The following RAPGEF2 variants were observed in gnomAD, a reference collection of about 807,000 sequenced individuals.
RAPGEF2 encodes Rap guanine nucleotide exchange factor 2, also known as PDZ domain containing guanine nucleotide exchange factor (GEF) 1.
Under a neutral mutation model 186.7 loss-of-function variants are expected in RAPGEF2, and 54 were observed. The ratio of observed to expected loss-of-function variants is 0.29; its 90% confidence interval spans 0.23 to 0.36. The LOEUF (loss-of-function observed/expected upper bound fraction) is 0.36. Ranked by LOEUF, RAPGEF2 falls within the 10% of genes least tolerant of loss-of-function variation. The pLI is 1.00. For missense variants in RAPGEF2, 1,532 were observed against 2,045.0 expected, an observed-to-expected ratio of 0.75 and a Z score of 4.84; for synonymous variants, 712 against 705.9, an observed-to-expected ratio of 1.01 and a Z score of -0.14.
chr4:159,214,540 G>GT (rs1489289437), intron 4 of RAPGEF2, among the ~76,000 whole-genome samples: 3 of 152,052 alleles, frequency 2.0e-5, no homozygotes, highest in Non-Finnish European at 4.4e-5. Context: ...TTAAAAAATT[G>GT]TAATAGAAAT....
intron 1 of RAPGEF2, among the ~76,000 whole-genome samples, chr4:159,170,691 C>A (rs1745821131): frequency 6.6e-6 from 1 of 152,142 alleles, no homozygotes; most frequent in African/African-American, 2.4e-5. Flanking sequence ...CTTGGCTATA[C>A]AGAAACTTTT....
chr4:159,322,517 T>C (rs780981658), intron 10 of RAPGEF2, 34 bp downstream of exon 10: 2 of 1,592,156 alleles, frequency 1.3e-6, no homozygotes, highest in Admixed American at 1.7e-5. Context: ...AAAAAGTTTC[T>C]TCTTAAAGAT....
chr4:159,328,004 T>A (rs1363835499), intron 11 of RAPGEF2: 1 of 152,150 alleles, frequency 6.6e-6, no homozygotes, highest in Admixed American at 6.5e-5. Flanking sequence ...ACATTTCTCT[T>A]CATAAAGCAT....
Position 159,358,258 on chromosome 4 carries a change from C to A in RAPGEF2, c.*119C>A. 2 of 993,648 alleles carry A rather than the reference C, an allele frequency of 2.0e-6. No individual in the cohort carries two copies. Among genetic ancestry groups the A allele is most frequent in the Non-Finnish European group, 3.0e-6 (2 of 665,836 alleles). 61.6% of individuals were successfully genotyped at this position (993,648 alleles called of 1,614,324 possible). On this transcript the variant is annotated 3_prime_UTR_variant, in exon 30 of 30. Coordinates refer to ENST00000691494, the MANE Select transcript of RAPGEF2 (RefSeq NM_001394067.2). The stretch of plus-strand genomic sequence containing the variant: ...GACGGTGGACCAGTTTGCCTCCTTC[C>A]CTGCCTTAAAAGCAGCATGGGGCTT...
At chr4:159,290,101 T>C (rs976124649) in intron 7 of RAPGEF2, among the ~76,000 whole-genome samples, 2 of 152,146 alleles carry the variant, frequency 1.3e-5, no homozygotes, top group Non-Finnish European at 2.9e-5. Flanking sequence ...GGCTGCGACA[T>C]GAAGAAGAGG....
Position 159,103,214 on chromosome 4 carries a change from C to T in RAPGEF2, c.-949C>T, listed in dbSNP as rs1239400044. ...TCGGCTTTCGGCCCTCGGACGCCCG[C>T]GCCGGGAGTCCGAACCCGGGCTGTC... On this transcript the variant is annotated 5_prime_UTR_variant, in exon 1 of 30. Coordinates refer to ENST00000691494, the MANE Select transcript of RAPGEF2 (RefSeq NM_001394067.2). 6.6e-6 allele frequency: 1 copy of T among 151,932 alleles called. No individual in the cohort carries two copies. Among genetic ancestry groups the T allele is most frequent in the Non-Finnish European group, 1.5e-5 (1 of 68,008 alleles). The allele number at this position is 151,932 out of a possible 1,614,324, so 9.4% of individuals were successfully genotyped here.
chr4:159,119,395 AC>A (rs1431013475), intron 1 of RAPGEF2, among the ~76,000 whole-genome samples: 10 of 152,228 alleles, frequency 6.6e-5, no homozygotes, highest in Non-Finnish European at 1.5e-4. Context: ...AGGCTGTGTC[AC>A]ATGGCTACTC....
chr4:159,221,045 A>T (rs897811438), intron 4 of RAPGEF2, among the ~76,000 whole-genome samples: 2 of 152,176 alleles, frequency 1.3e-5, no homozygotes, highest in African/African-American at 2.4e-5. Context: ...AGAAATTGAT[A>T]TTGTTCGACC....
chr4:159,244,032 A>G (rs1754317548), intron 7 of RAPGEF2, among the ~76,000 whole-genome samples: 1 of 151,964 alleles, frequency 6.6e-6, no homozygotes, highest in Non-Finnish European at 1.5e-5. Flanking sequence ...ACTTATTTTT[A>G]AAAATGAATG....
rs567232200 is a variant in RAPGEF2, at chr4:159,304,715, T to C, written c.675+242T>C. ...TCCTTTTTTTATTTGTATAAATTTG[T>C]GGGGTAAAAGTGTAATTTTGTTGCA... On this transcript the variant is annotated intron_variant, in intron 8 of 29. Coordinates refer to ENST00000691494, the MANE Select transcript of RAPGEF2 (RefSeq NM_001394067.2). 1.1e-4 allele frequency among the ~76,000 whole-genome samples: 16 copies of C among 152,272 alleles called. No homozygotes were observed. In the South Asian group the frequency reaches 3.3e-3, roughly 32 times the overall value.
chr4:159,210,412 A>G (rs1750405404), intron 3 of RAPGEF2, 88 bp from the exon 4 acceptor site: 1 of 760,972 alleles, frequency 1.3e-6, no homozygotes, highest in Non-Finnish European at 2.1e-6. Flanking sequence ...TAAAAGTAAT[A>G]TGGGTGCTGC....
intron 1 of RAPGEF2, among the ~76,000 whole-genome samples, chr4:159,167,277 G>T (rs1401330503): frequency 6.6e-6 from 1 of 152,220 alleles, no homozygotes; most frequent in Non-Finnish European, 1.5e-5. Flanking sequence ...GGGAAATTTA[G>T]TGTGAAGTTT....
At chr4:159,163,111 A>G (rs142281698) in intron 1 of RAPGEF2, among the ~76,000 whole-genome samples, 194 of 152,300 alleles carry the variant, frequency 1.3e-3, no homozygotes, top group African/African-American at 4.5e-3. Context: ...ACTATTCCAG[A>G]AAAGGTAGCT....
At chr4:159,223,950 G>A (rs1751778713) in intron 4 of RAPGEF2, among the ~76,000 whole-genome samples, 1 of 151,730 alleles carries the variant, frequency 6.6e-6, no homozygotes, top group Non-Finnish European at 1.5e-5. Flanking sequence ...CCAGCCTGGA[G>A]TGCAGTGGTG....
intron 7 of RAPGEF2, among the ~76,000 whole-genome samples, chr4:159,259,008 A>G (rs1157954910): frequency 6.6e-6 from 1 of 152,200 alleles, no homozygotes; most frequent in African/African-American, 2.4e-5. Flanking sequence ...CCAGTCTGCT[A>G]GATGTTTACT....
chr4:159,287,843 TGA>T (rs1174193244), intron 7 of RAPGEF2, among the ~76,000 whole-genome samples: 1 of 152,180 alleles, frequency 6.6e-6, no homozygotes, highest in Non-Finnish European at 1.5e-5. Context: ...TCACCTCTCT[TGA>T]TATCGGTTCC....
intron 1 of RAPGEF2, among the ~76,000 whole-genome samples, chr4:159,120,957 C>T (rs1471323713): frequency 2.0e-5 from 3 of 152,078 alleles, no homozygotes; most frequent in South Asian, 2.1e-4. Context: ...TGGGTTCGAG[C>T]GATTCTCCAT....
At chr4:159,357,368 A>G (rs1366533331) in intron 29 of RAPGEF2, among the ~76,000 whole-genome samples, 1 of 152,130 alleles carries the variant, frequency 6.6e-6, no homozygotes, top group East Asian at 1.9e-4. Context: ...CTCTAAAAGA[A>G]AGAGAGAGAG....
At chr4:159,251,743 G>A (rs1367473702) in intron 7 of RAPGEF2, among the ~76,000 whole-genome samples, 4 of 151,982 alleles carry the variant, frequency 2.6e-5, no homozygotes, top group African/African-American at 7.3e-5. Context: ...CTGTCAAAAC[G>A]GGCCAATCAG....
Sources: gnomAD v4.1 joint callset for allele counts (sites outside exome capture counted in the v4.1 genomes callset) on GRCh38, gnomAD v4.1.1 for gene constraint, MANE v1.5 for transcripts, NCBI Gene and HGNC (gene_info 2026-07-23, HGNC 2026-07-21) for gene names.